The following RASSF8 variants were observed in gnomAD, a reference collection of about 807,000 sequenced individuals.
The protein encoded by RASSF8 is Ras association domain family member 8.
In RASSF8, 22 loss-of-function variants were observed where a neutral mutation model predicts 48.5. That is an observed-to-expected ratio of 0.45 (90% CI 0.32 to 0.65). RASSF8 has a LOEUF of 0.65. Among genes scored for constraint, RASSF8 ranks in the 30% least tolerant of loss-of-function variants. RASSF8 has a pLI of 0.03. For synonymous variants in RASSF8, 127 were observed against 171.5 expected (o/e 0.74, Z 2.03); for missense variants, 418 against 489.2 (o/e 0.85, Z 1.37).
exon 6 of RASSF8, chr12:26,079,097 A>G (rs938166452): frequency 1.3e-6 from 2 of 1,513,222 alleles, no homozygotes; most frequent in East Asian, 4.9e-5. Context: ...AGCTCAGGCA[A>G]GAAAAGCAAA....
At chr12:26,042,269 C>G (rs969875376) in intron 2 of RASSF8, among the ~76,000 whole-genome samples, 1 of 152,214 alleles carries the variant, frequency 6.6e-6, no homozygotes, top group Non-Finnish European at 1.5e-5. Context: ...ATGTTAATCA[C>G]AGCCTATTCA....
chr12:26,014,216 G>T (rs746448893), intron 2 of RASSF8, among the ~76,000 whole-genome samples: 3 of 152,168 alleles, frequency 2.0e-5, no homozygotes, highest in African/African-American at 7.2e-5. Context: ...TCATACTAGC[G>T]ATGAAAACAT....
chr12:26,011,183 T>C (rs1942514721), intron 2 of RASSF8, among the ~76,000 whole-genome samples: 3 of 152,208 alleles, frequency 2.0e-5, no homozygotes, highest in Admixed American at 2.0e-4. Context: ...TATTGCAGTT[T>C]CTTTGGGATG....
intron 2 of RASSF8, among the ~76,000 whole-genome samples, chr12:26,037,947 T>C (rs1298569405): frequency 1.3e-5 from 2 of 152,194 alleles, no homozygotes; most frequent in African/African-American, 4.8e-5. Flanking sequence ...CAGGTATGTA[T>C]TAACCAAGGC....
chr12:26,008,134 G>A (rs1942434957), intron 2 of RASSF8, among the ~76,000 whole-genome samples: 1 of 152,078 alleles, frequency 6.6e-6, no homozygotes, highest in Non-Finnish European at 1.5e-5. Flanking sequence ...TTAGTCAGGT[G>A]TGGTGGCGGG....
intron 2 of RASSF8, among the ~76,000 whole-genome samples, chr12:26,030,117 CT>C (rs1456944560): frequency 6.6e-6 from 1 of 152,078 alleles, no homozygotes; most frequent in Non-Finnish European, 1.5e-5. Context: ...TCTAAATTGT[CT>C]CAAAGTTGAT....
chr12:25,988,456 A>G lies in RASSF8; in HGVS notation c.-202-6581A>G, dbSNP rs1941940260. 2.6e-5 allele frequency among the ~76,000 whole-genome samples: 4 copies of G among 152,342 alleles called. No individual in the cohort carries two copies. The South Asian group carries it at 8.3e-4, about 32-fold the overall frequency. On this transcript the variant is annotated intron_variant, in intron 1 of 5. Coordinates refer to ENST00000689635, the MANE Select transcript of RASSF8 (RefSeq NM_001394098.1). ...GATGGGGTTAACTAGAGCAATCTGT[A>G]GTATTTAGAAAAATTTCCAGGGTGA...
At chr12:26,022,934 A>T (rs1942821984) in intron 2 of RASSF8, among the ~76,000 whole-genome samples, 1 of 152,058 alleles carries the variant, frequency 6.6e-6, no homozygotes, top group Non-Finnish European at 1.5e-5. Context: ...TTTAGTAGAG[A>T]CGGGGTTTTT....
In RASSF8 at chr12:26,071,542, C is replaced by G. The variant is rs1027279704; in HGVS notation, c.*2724C>G. The G allele has an allele frequency of 1.0e-6, 1 of 976,680 alleles. No homozygotes were observed. The highest frequency in any genetic ancestry group is 1.2e-6 in the Non-Finnish European group (1 of 822,024). The allele number at this position is 976,680 out of a possible 1,614,324, so 60.5% of individuals were successfully genotyped here. On this transcript the variant is annotated 3_prime_UTR_variant, in exon 6 of 6. Coordinates refer to ENST00000689635, the MANE Select transcript of RASSF8 (RefSeq NM_001394098.1). ...ATTTGACCTTTTGAGTGTCTGTCAT[C>G]CTCAGAGAATGGCCCATAGTGTGTT...
At chr12:25,977,830 A>T (rs1020858449) in intron 1 of RASSF8, among the ~76,000 whole-genome samples, 16 of 152,338 alleles carry the variant, frequency 1.1e-4, no homozygotes, top group Non-Finnish European at 1.8e-4. Context: ...GACCACTGAC[A>T]CCAAACAGTC....
chr12:26,058,206 C>T (rs1943652922), intron 3 of RASSF8, among the ~76,000 whole-genome samples: 1 of 152,192 alleles, frequency 6.6e-6, no homozygotes, highest in Non-Finnish European at 1.5e-5. Flanking sequence ...CAAACTTGGC[C>T]AAACAACTCT....
downstream of RASSF8, among the ~76,000 whole-genome samples, chr12:26,077,241 G>A (rs928472414): frequency 5.9e-5 from 9 of 152,224 alleles, no homozygotes; most frequent in South Asian, 4.1e-4. Context: ...AGTTTCTTTC[G>A]CTGTGCAGAA....
intron 4 of RASSF8, among the ~76,000 whole-genome samples, chr12:26,066,460 TGTA>T (rs1261769958): frequency 6.6e-6 from 1 of 152,206 alleles, no homozygotes; most frequent in Non-Finnish European, 1.5e-5. Context: ...CGTCATTATC[TGTA>T]GTAAGAGATA....
At chr12:26,004,735 G>C (rs1475878285) in intron 2 of RASSF8, among the ~76,000 whole-genome samples, 3 of 152,102 alleles carry the variant, frequency 2.0e-5, no homozygotes, top group Non-Finnish European at 4.4e-5. Flanking sequence ...GGAGGAAGGG[G>C]AGCTCTTCTG....
chr12:26,020,811 C>G (rs1421283574), intron 2 of RASSF8, among the ~76,000 whole-genome samples: 1 of 151,966 alleles, frequency 6.6e-6, no homozygotes, highest in African/African-American at 2.4e-5. Flanking sequence ...TTGTTTAAAC[C>G]TTGCTTTTCC....
intron 4 of RASSF8, among the ~76,000 whole-genome samples, chr12:26,065,855 TGA>T (rs777207104): frequency 2.6e-5 from 4 of 152,224 alleles, no homozygotes; most frequent in African/African-American, 4.8e-5. Flanking sequence ...TTTGCTTTCC[TGA>T]GAGAGGCACA....
At chr12:26,060,130 C>A (rs1479187418) in intron 3 of RASSF8, among the ~76,000 whole-genome samples, 1 of 152,194 alleles carries the variant, frequency 6.6e-6, no homozygotes, top group Non-Finnish European at 1.5e-5. Flanking sequence ...ATCTCCTGAC[C>A]TCGTGATCTG....
intron 2 of RASSF8, among the ~76,000 whole-genome samples, chr12:26,018,634 G>T (rs1169609606): frequency 6.6e-6 from 1 of 152,144 alleles, no homozygotes; most frequent in East Asian, 1.9e-4. Context: ...AGGGGGTGTA[G>T]GTGACCCTAT....
chr12:25,962,846 C>T (rs558945832), intron 1 of RASSF8, among the ~76,000 whole-genome samples: 2 of 152,236 alleles, frequency 1.3e-5, no homozygotes, highest in African/African-American at 4.8e-5. Context: ...ATGAAACGGC[C>T]TTTGCAAATA....
Sources: gnomAD v4.1 joint callset for allele counts (sites outside exome capture counted in the v4.1 genomes callset) on GRCh38, gnomAD v4.1.1 for gene constraint, MANE v1.5 for transcripts, NCBI Gene and HGNC (gene_info 2026-07-23, HGNC 2026-07-21) for gene names.